The following IQSEC1 variants were observed in gnomAD, a reference collection of about 807,000 sequenced individuals.
The protein encoded by IQSEC1 is IQ motif and Sec7 domain ArfGEF 1, also known as IQ motif and SEC7 domain-containing protein 1.
In IQSEC1, 31 loss-of-function variants were observed where a neutral mutation model predicts 91.0. The observed-to-expected ratio is 0.34, with a 90% CI of 0.26 to 0.46. IQSEC1 has a LOEUF of 0.46. IQSEC1 is among the 20% of genes least tolerant of loss of function. IQSEC1 has a pLI of 1.00. For synonymous variants in IQSEC1, 699 were observed against 662.6 expected, an observed-to-expected ratio of 1.05 and a Z score of -0.84; for missense variants, 1,388 against 1,575.6, an observed-to-expected ratio of 0.88 and a Z score of 2.02.
chr3:13,228,695 C>T (rs547880090), intron 1 of IQSEC1, among the ~76,000 whole-genome samples: 2 of 152,328 alleles, frequency 1.3e-5, no homozygotes, highest in South Asian at 4.2e-4. Context: ...CAGCTCCTTC[C>T]TCTCACCCTT....
At chr3:13,233,355 G>A (rs12489682) in intron 1 of IQSEC1, among the ~76,000 whole-genome samples, 145 of 152,222 alleles carry the variant, frequency 9.5e-4, no homozygotes, top group Admixed American at 2.8e-3. Context: ...CATCCTGAGG[G>A]GTCTGCAGGC....
chr3:13,269,951 C>T (rs758549819), intron 1 of IQSEC1, among the ~76,000 whole-genome samples: 15 of 152,192 alleles, frequency 9.9e-5, no homozygotes, highest in Non-Finnish European at 1.8e-4. Flanking sequence ...TCACAAGAAG[C>T]CTCACATTTC....
intron 3 of IQSEC1, among the ~76,000 whole-genome samples, chr3:12,933,494 T>C (rs1697889541): frequency 6.6e-6 from 1 of 152,178 alleles, no homozygotes; most frequent in Admixed American, 6.5e-5. Flanking sequence ...AGCTAATACA[T>C]AGTAAGGCCC....
At chr3:12,913,647 A>C in intron 8 of IQSEC1, 94 bp from the exon 9 acceptor site, 13 of 1,326,194 alleles carry the variant, frequency 9.8e-6, no homozygotes, top group Non-Finnish European at 1.2e-5. Context: ...TCAAGCTAGA[A>C]ACCCGGCACG....
chr3:13,113,715 C>A (rs546926257), intron 2 of IQSEC1, among the ~76,000 whole-genome samples: 7 of 152,162 alleles, frequency 4.6e-5, no homozygotes, highest in Non-Finnish European at 1.0e-4. Context: ...ACCAGGGCAG[C>A]CCCCAGCGTG....
intron 1 of IQSEC1, among the ~76,000 whole-genome samples, chr3:13,033,715 C>T (rs763385696): frequency 1.3e-5 from 2 of 152,090 alleles, no homozygotes; most frequent in Non-Finnish European, 2.9e-5. Context: ...AAAATACCAA[C>T]GTCCCAGCCT....
chr3:13,186,730 G>A (rs946864920), intron 1 of IQSEC1, among the ~76,000 whole-genome samples: 1 of 152,068 alleles, frequency 6.6e-6, no homozygotes, highest in Non-Finnish European at 1.5e-5. Flanking sequence ...GGTGGAATGC[G>A]GTTTCCTCCC....
intron 1 of IQSEC1, among the ~76,000 whole-genome samples, chr3:13,171,055 G>A (rs1035043673): frequency 3.3e-5 from 5 of 151,772 alleles, no homozygotes; most frequent in African/African-American, 4.9e-5. Flanking sequence ...ACTGGAGACT[G>A]CGCCAATGCA....
At chr3:13,153,782 G>C (rs1026629443) in intron 2 of IQSEC1, among the ~76,000 whole-genome samples, 1 of 152,192 alleles carries the variant, frequency 6.6e-6, no homozygotes, top group Non-Finnish European at 1.5e-5. Context: ...CACCTTCCCA[G>C]CTGGGCAGTG....
chr3:13,230,843 C>T (rs1458792141), intron 1 of IQSEC1, among the ~76,000 whole-genome samples: 1 of 152,224 alleles, frequency 6.6e-6, no homozygotes, highest in Non-Finnish European at 1.5e-5. Context: ...TATTGTTCTG[C>T]TGTTACCCAT....
chr3:12,986,997 C>T (rs1481097738), intron 1 of IQSEC1: 1 of 444,174 alleles, frequency 2.3e-6, no homozygotes, highest in South Asian at 1.6e-5. Flanking sequence ...GGGTGGGGGC[C>T]TCCTGCCACA....
chr3:12,936,792 C>A (rs1458502785), intron 2 of IQSEC1, 95 bp from the exon 3 acceptor site: 3 of 1,276,438 alleles, frequency 2.4e-6, no homozygotes, highest in African/African-American at 1.5e-5. Context: ...CGTGGCTGTG[C>A]GACCTGGGAA....
intron 2 of IQSEC1, among the ~76,000 whole-genome samples, chr3:13,128,587 C>CG (rs772953308): frequency 1.1e-4 from 17 of 152,070 alleles, no homozygotes; most frequent in Admixed American, 2.6e-4. Flanking sequence ...TACATCTAGC[C>CG]GGGCACAGTG....
intron 1 of IQSEC1, among the ~76,000 whole-genome samples, chr3:13,273,574 C>T (rs934034662): frequency 5.3e-5 from 8 of 152,184 alleles, no homozygotes; most frequent in African/African-American, 1.9e-4. Flanking sequence ...GAGGGTGGGG[C>T]CGTGTGCCTT....
intron 1 of IQSEC1, among the ~76,000 whole-genome samples, chr3:12,944,764 A>G (rs576334842): frequency 6.6e-6 from 1 of 152,288 alleles, no homozygotes; most frequent in South Asian, 2.1e-4. Flanking sequence ...AGAGACAGAC[A>G]AGCAGTTTCC....
chr3:12,949,798 G>A (rs1194194246), intron 1 of IQSEC1, among the ~76,000 whole-genome samples: 2 of 152,230 alleles, frequency 1.3e-5, no homozygotes, highest in East Asian at 3.9e-4. Context: ...CTGAGCAAGA[G>A]CAGGGATGGC....
intron 1 of IQSEC1, among the ~76,000 whole-genome samples, chr3:13,037,531 C>G (rs1190372396): frequency 1.3e-5 from 2 of 152,186 alleles, no homozygotes; most frequent in Non-Finnish European, 2.9e-5. Flanking sequence ...ACTGAAAAAA[C>G]AAGGTGCACC....
chr3:13,279,682 A>G (rs1236463223), intron 1 of IQSEC1, among the ~76,000 whole-genome samples: 2 of 152,102 alleles, frequency 1.3e-5, no homozygotes, highest in African/African-American at 4.8e-5. Context: ...CACGCCAGAG[A>G]ATCTGGAGGC....
intron 1 of IQSEC1, among the ~76,000 whole-genome samples, chr3:13,234,526 A>ACC (rs560905255): frequency 6.6e-6 from 1 of 151,792 alleles, no homozygotes; most frequent in African/African-American, 2.4e-5. Context: ...TCTTCTAAGT[A>ACC]CCCCCCTACC....
Sources: gnomAD v4.1 joint callset for allele counts (sites outside exome capture counted in the v4.1 genomes callset) on GRCh38, gnomAD v4.1.1 for gene constraint, MANE v1.5 for transcripts, NCBI Gene and HGNC (gene_info 2026-07-23, HGNC 2026-07-21) for gene names.